HOGA1: variants seen among roughly 807,000 people sequenced by gnomAD.
The protein encoded by HOGA1 is 4-hydroxy-2-oxoglutarate aldolase, mitochondrial.
A neutral mutation model predicts 34.3 loss-of-function variants in HOGA1; 30 were observed. That is an observed-to-expected ratio of 0.87 (90% CI 0.65 to 1.19). HOGA1 has a LOEUF of 1.19. HOGA1 is among the 50% of genes most tolerant of loss of function. HOGA1 has a pLI of 0.00. For synonymous variants in HOGA1, 161 were observed against 174.0 expected, an observed-to-expected ratio of 0.93 and a Z score of 0.59; for missense variants, 417 against 436.5, an observed-to-expected ratio of 0.96 and a Z score of 0.40.
At chr10:97,601,311 G>A (rs971376945) in intron 5 of HOGA1, among the ~76,000 whole-genome samples, 9 of 152,208 alleles carry the variant, frequency 5.9e-5, no homozygotes, top group Admixed American at 2.6e-4. Flanking sequence ...TCATTGCCCC[G>A]ATGGGCACAA....
chr10:97,605,036 C>T (rs1039716931), intron 6 of HOGA1, among the ~76,000 whole-genome samples: 1 of 151,898 alleles, frequency 6.6e-6, no homozygotes, highest in African/African-American at 2.4e-5. Flanking sequence ...TTTCGTGTGT[C>T]CATAAGTTTT....
chr10:97,598,660 C>T, intron 1 of HOGA1, 115 bp from the exon 2 acceptor site: 1 of 1,362,552 alleles, frequency 7.3e-7, no homozygotes, highest in South Asian at 1.2e-5. Context: ...AACCTTCTGT[C>T]TGCAAAGATG....
chr10:97,610,795 C>T (rs971651169), intron 6 of HOGA1, among the ~76,000 whole-genome samples: 2 of 149,996 alleles, frequency 1.3e-5, no homozygotes, highest in African/African-American at 2.4e-5. Flanking sequence ...GCAAGACTGT[C>T]TCAAAAAAAT....
intron 6 of HOGA1, among the ~76,000 whole-genome samples, chr10:97,609,403 G>A (rs988232206): frequency 6.6e-6 from 1 of 152,074 alleles, no homozygotes; most frequent in Non-Finnish European, 1.5e-5. Context: ...AAGAGTGGAT[G>A]CCTAGCTGTC....
At chr10:97,589,607 CCTCTCCCCACCCCA>C (rs998946561) in intron 1 of HOGA1, 25 of 401,340 alleles carry the variant, frequency 6.2e-5, no homozygotes, top group African/African-American at 2.2e-4. Context: ...GATGCTGCGG[CCTCTCCCCACCCCA>C]CTCTCCCCAC....
intron 1 of HOGA1, among the ~76,000 whole-genome samples, chr10:97,587,913 C>A (rs1362186273): frequency 6.6e-6 from 1 of 151,924 alleles, no homozygotes; most frequent in African/African-American, 2.4e-5. Context: ...GGGACTAAAG[C>A]AATCTGCCCA....
intron 1 of HOGA1, among the ~76,000 whole-genome samples, chr10:97,595,246 G>A (rs1302073750): frequency 2.0e-5 from 3 of 152,204 alleles, no homozygotes; most frequent in Non-Finnish European, 4.4e-5. Context: ...ACAATGAGAG[G>A]TCATTGAGAG....
intron 1 of HOGA1, among the ~76,000 whole-genome samples, 200 bp downstream of exon 1, chr10:97,585,114 T>G (rs2040958076): frequency 6.6e-6 from 1 of 152,206 alleles, no homozygotes; most frequent in South Asian, 2.1e-4. Context: ...GCCTGTAACC[T>G]TAAGCTAAAC....
chr10:97,586,021 C>A (rs918375288), intron 1 of HOGA1, among the ~76,000 whole-genome samples: 3 of 151,870 alleles, frequency 2.0e-5, no homozygotes, highest in African/African-American at 7.3e-5. Context: ...CCTGTAATCC[C>A]AGCTACTCGG....
rs185867236 is a variant in HOGA1, at chr10:97,608,533, G to A, written c.835-2977G>A. Among the ~76,000 whole-genome samples, 342 of 151,588 alleles carry A rather than the reference G, an allele frequency of 2.3e-3. 7 individuals carry two copies. The South Asian group carries it at 0.03, about 13-fold the overall frequency. On this transcript the variant is annotated intron_variant, in intron 6 of 6. Coordinates refer to ENST00000370646, the MANE Select transcript of HOGA1 (RefSeq NM_138413.4). ...AATATTACTTATTTTGGCTGGGCACGGTGGCTCACGCCTGTAATCCCAGCA... is the reference window on the plus strand; with the variant it reads ...AATATTACTTATTTTGGCTGGGCACAGTGGCTCACGCCTGTAATCCCAGCA...
At chr10:97,608,663 G>C (rs2041174454) in intron 6 of HOGA1, among the ~76,000 whole-genome samples, 1 of 151,998 alleles carries the variant, frequency 6.6e-6, no homozygotes, top group South Asian at 2.1e-4. Context: ...AAATTAGCCA[G>C]GCATGGTGTT....
intron 1 of HOGA1, among the ~76,000 whole-genome samples, chr10:97,586,012 C>T (rs907012193): frequency 2.0e-5 from 3 of 152,028 alleles, no homozygotes; most frequent in Non-Finnish European, 4.4e-5. Flanking sequence ...TGGTGTGTGC[C>T]TGTAATCCCA....
rs2041133911 is a variant in HOGA1, at chr10:97,603,283, T to G, written c.834+1293T>G. Among the ~76,000 whole-genome samples, 1 of 152,124 alleles carries G rather than the reference T, an allele frequency of 6.6e-6. No individual in the cohort carries two copies. The highest frequency in any genetic ancestry group is 6.6e-5 in the Admixed American group (1 of 15,266). On this transcript the variant is annotated intron_variant, in intron 6 of 6. Transcript: ENST00000370646. The surrounding 1 kb of genome is among the most constrained non-coding windows in gnomAD (Gnocchi z 4.5). ...CCTCCCAATCTTTTTTCTTTTATTT[T>G]TTTTATTTTCGAAACAGGGTCATTC...
chr10:97,593,183 A>G (rs2041041824), intron 1 of HOGA1, among the ~76,000 whole-genome samples: 2 of 152,104 alleles, frequency 1.3e-5, no homozygotes, highest in Non-Finnish European at 2.9e-5. Flanking sequence ...ATTCCATTAA[A>G]GTTCATTGGG....
rs2040951393 is a variant in HOGA1, at chr10:97,584,616, C to T, written c.-88C>T. 2 of 1,237,148 alleles carry T rather than the reference C, an allele frequency of 1.6e-6. No individual in the cohort carries two copies. Among genetic ancestry groups the T allele is most frequent in the Admixed American group, 2.1e-5 (1 of 47,630 alleles). 76.6% of individuals were successfully genotyped at this position (1,237,148 alleles called of 1,614,324 possible). A position where few individuals can be genotyped will look rare whatever the true frequency, so the allele number is the denominator to read the frequency against. On this transcript the variant is annotated 5_prime_UTR_variant, in exon 1 of 7. Transcript: ENST00000370646. ...GAGGCCGCAAATTTTTAACTAGAAA[C>T]ATTGATCATTAATAGGGGGTTAGAA... is the stretch of plus-strand genomic sequence containing the variant.
chr10:97,594,322 C>T (rs907876859), intron 1 of HOGA1, among the ~76,000 whole-genome samples: 3 of 151,668 alleles, frequency 2.0e-5, no homozygotes, highest in African/African-American at 7.3e-5. Context: ...ATTACAGGTG[C>T]GCGCCTCCAT....
At chr10:97,593,416 G>T (rs1198575546) in intron 1 of HOGA1, among the ~76,000 whole-genome samples, 2 of 152,120 alleles carry the variant, frequency 1.3e-5, no homozygotes, top group African/African-American at 4.8e-5. Context: ...GGTGGAGGTT[G>T]CAGTGAGCCG....
chr10:97,600,144 G>T lies in HOGA1; in HGVS notation c.681G>T (p.Leu227=). The T allele has an allele frequency of 6.2e-7, 1 of 1,614,124 alleles. No individual in the cohort carries two copies. The highest frequency in any genetic ancestry group is 1.1e-5 in the South Asian group (1 of 91,080). Residue 227 remains leucine (L), a synonymous_variant, in exon 5 of 7, where the codon CTG becomes CTT. Transcript: ENST00000370646. ...FQVLAGSAGF[L]MASYALGAVG... ...TGTTGGCTGGATCGGCTGGCTTTCT[G>T]ATGGCCAGCTATGCCTTGGGTAGGC... is the stretch of plus-strand genomic sequence containing the variant.
At chr10:97,609,326 C>T (rs1301040151) in intron 6 of HOGA1, among the ~76,000 whole-genome samples, 3 of 152,074 alleles carry the variant, frequency 2.0e-5, no homozygotes, top group East Asian at 1.9e-4. Context: ...GCCCTTGGGA[C>T]GTCTCTATGG....
Sources: gnomAD v4.1 joint callset for allele counts (sites outside exome capture counted in the v4.1 genomes callset) on GRCh38, gnomAD v4.1.1 for gene constraint, Gnocchi (gnomAD v3.1) non-coding constraint, MANE v1.5 for transcripts, NCBI Gene and HGNC (gene_info 2026-07-23, HGNC 2026-07-21) for gene names.